Variants in SAP130 observed in about 807,000 individuals in gnomAD.
The protein encoded by SAP130 is histone deacetylase complex subunit SAP130.
SAP130 carries 16 observed loss-of-function variants against 103.2 expected under a neutral mutation model. That is an observed-to-expected ratio of 0.16 (90% CI 0.10 to 0.24). The LOEUF (loss-of-function observed/expected upper bound fraction) is 0.24, where lower values mean the gene tolerates loss of function less well. SAP130 is among the 10% of genes least tolerant of loss of function. SAP130 has a pLI of 1.00. For synonymous variants in SAP130, 477 were observed against 497.0 expected (o/e 0.96, Z 0.53); for missense variants, 990 against 1,359.7 (o/e 0.73, Z 4.28).
At chr2:128,005,374 T>C (rs1454647038) in intron 7 of SAP130, among the ~76,000 whole-genome samples, 1 of 152,102 alleles carries the variant, frequency 6.6e-6, no homozygotes, top group African/African-American at 2.4e-5. Flanking sequence ...CCCAACACTC[T>C]GGAAGGCTGA....
At chr2:127,995,575 T>C (rs902237648) in intron 11 of SAP130, among the ~76,000 whole-genome samples, 3 of 152,192 alleles carry the variant, frequency 2.0e-5, no homozygotes, top group African/African-American at 4.8e-5. Flanking sequence ...CTAATATATA[T>C]AGACAACACG....
At chr2:128,021,114 C>T (rs967616637) in intron 2 of SAP130, among the ~76,000 whole-genome samples, 1 of 152,066 alleles carries the variant, frequency 6.6e-6, no homozygotes, top group Non-Finnish European at 1.5e-5. Flanking sequence ...GTCCAATGAT[C>T]TCTTCAGGAA....
chr2:128,024,869 ACT>A (rs1468457214), intron 2 of SAP130, among the ~76,000 whole-genome samples: 1 of 151,866 alleles, frequency 6.6e-6, no homozygotes, highest in Non-Finnish European at 1.5e-5. Flanking sequence ...ACAGAGTGAC[ACT>A]CTGTCTCAAA....
At chr2:128,013,679 T>C (rs1317617437) in intron 5 of SAP130, among the ~76,000 whole-genome samples, 1 of 152,170 alleles carries the variant, frequency 6.6e-6, no homozygotes, top group Non-Finnish European at 1.5e-5. Context: ...TTGCCAACAA[T>C]CTCCAATTGT....
At chr2:128,004,242 C>T (rs955245120) in intron 7 of SAP130, among the ~76,000 whole-genome samples, 4 of 151,684 alleles carry the variant, frequency 2.6e-5, no homozygotes, top group Non-Finnish European at 5.9e-5. Context: ...ATACAGTATC[C>T]TCCTTTCGCA....
intron 2 of SAP130, among the ~76,000 whole-genome samples, chr2:128,021,352 C>T (rs963474302): frequency 6.6e-6 from 1 of 150,612 alleles, no homozygotes; most frequent in Non-Finnish European, 1.5e-5. Context: ...GAGGCCGAGG[C>T]AGCAGAATTG....
intron 19 of SAP130, among the ~76,000 whole-genome samples, chr2:127,943,223 T>C (rs974735345): frequency 1.3e-5 from 2 of 152,150 alleles, no homozygotes; most frequent in African/African-American, 4.8e-5. Context: ...CAACAGACAA[T>C]GTTCTTCAGG....
intron 15 of SAP130, among the ~76,000 whole-genome samples, chr2:127,974,542 G>A (rs1267610683): frequency 5.3e-5 from 8 of 152,136 alleles, no homozygotes; most frequent in East Asian, 3.9e-4. Flanking sequence ...GGCCGGGCGC[G>A]GTGGTGCACG....
rs762360561 is a variant in SAP130, at chr2:128,026,236, G to A, written c.57C>T (p.Ala19=). ...AACCACTGTTTGCAATCTGAGAAGGGGCCTGGCTCAGCCCGGTAGAAGGGG... is the reference window on the plus strand; with the variant it reads ...AACCACTGTTTGCAATCTGAGAAGGAGCCTGGCTCAGCCCGGTAGAAGGGG... ...LGAPSTGLSQ[A]PSQIANSGSA... is the part of the protein sequence containing the mutation. Residue 19 remains alanine (A), a synonymous_variant, in exon 2 of 21, where the codon GCC becomes GCT. Coordinates refer to ENST00000643581, the MANE Select transcript of SAP130 (RefSeq NM_001330301.2). 3 of 1,614,120 alleles carry A rather than the reference G, an allele frequency of 1.9e-6. No homozygotes were observed. In the South Asian group the frequency reaches 3.3e-5, roughly 18 times the overall value.
intron 10 of SAP130, among the ~76,000 whole-genome samples, chr2:127,998,519 G>C (rs1232494955): frequency 6.6e-6 from 1 of 152,174 alleles, no homozygotes; most frequent in Non-Finnish European, 1.5e-5. Flanking sequence ...GGTTATATCA[G>C]GTTTCCCTTC....
At chr2:127,999,613 AAAG>A in intron 10 of SAP130, 125 bp downstream of exon 10, 1 of 501,394 alleles carries the variant, frequency 2.0e-6, no homozygotes, top group Non-Finnish European at 3.4e-6. Context: ...AAGAAAAAGA[AAAG>A]AAAAAAAAAA....
At chr2:128,005,728 C>T (rs1348242629) in intron 7 of SAP130, among the ~76,000 whole-genome samples, 1 of 151,764 alleles carries the variant, frequency 6.6e-6, no homozygotes, top group Non-Finnish European at 1.5e-5. Flanking sequence ...CTCACTGCAA[C>T]CTCCGCCTCC....
chr2:127,986,103 C>T lies in SAP130; in HGVS notation c.1958+682G>A, dbSNP rs1255940050. Among the ~76,000 whole-genome samples, 1 of 152,260 alleles carries T rather than the reference C, an allele frequency of 6.6e-6. No individual in the cohort carries two copies. Among genetic ancestry groups the T allele is most frequent in the African/African-American group, 2.4e-5 (1 of 41,478 alleles). On this transcript the variant is annotated intron_variant, in intron 14 of 20. Coordinates refer to ENST00000643581, the MANE Select transcript of SAP130 (RefSeq NM_001330301.2). The surrounding 1 kb of genome is among the most constrained non-coding windows in gnomAD (Gnocchi z 4.7). Reference sequence around the variant, plus strand: ...CAAGCCCACGTGTGATCCCATTCTTCCAGTACACCAAGGCAAGAACCCTGG... The same window carrying T: ...CAAGCCCACGTGTGATCCCATTCTTTCAGTACACCAAGGCAAGAACCCTGG...
At chr2:128,014,936 G>A (rs376036065) in intron 4 of SAP130, 22 bp from the exon 5 acceptor site, 33 of 1,591,058 alleles carry the variant, frequency 2.1e-5, no homozygotes, top group East Asian at 4.5e-5. Context: ...AGGATAGAAC[G>A]TTATTTTTAC....
At chr2:127,962,889 T>C (rs1380156290) in intron 15 of SAP130, among the ~76,000 whole-genome samples, 8 of 134,240 alleles carry the variant, frequency 6.0e-5, no homozygotes, top group Non-Finnish European at 1.3e-4. Context: ...AATAATAAAA[T>C]TAAAAAAAAA....
chr2:128,005,705 G>A (rs1683919148), intron 7 of SAP130, among the ~76,000 whole-genome samples: 1 of 150,908 alleles, frequency 6.6e-6, no homozygotes, highest in African/African-American at 2.4e-5. Context: ...GGAGCGCAGT[G>A]GCGCGATCTT....
At chr2:128,027,599 C>A (rs1685616118) in intron 1 of SAP130, among the ~76,000 whole-genome samples, 1 of 151,076 alleles carries the variant, frequency 6.6e-6, no homozygotes, top group Non-Finnish European at 1.5e-5. Context: ...TAAACTGCTC[C>A]AGGAGCCAAA....
At chr2:127,957,686 A>G (rs1349045659) in intron 15 of SAP130, among the ~76,000 whole-genome samples, 1 of 152,084 alleles carries the variant, frequency 6.6e-6, no homozygotes, top group Non-Finnish European at 1.5e-5. Flanking sequence ...AAAAAAAAAA[A>G]AAGATAAGTT....
Position 127,942,343 on chromosome 2 carries a change from G to A in SAP130, c.3015+81C>T, listed in dbSNP as rs528687431. The stretch of plus-strand genomic sequence containing the variant: ...TTTTTACTGAAGATATGAGGGAGAC[G>A]GGGGGAAACGGGAGAAGTAGGGCTT... On this transcript the variant is annotated intron_variant, in intron 20 of 20. Transcript: ENST00000643581. The surrounding 1 kb of genome is among the most constrained non-coding windows in gnomAD (Gnocchi z 4.8). 86 of 1,124,558 alleles carry A rather than the reference G, an allele frequency of 7.6e-5. No individual in the cohort carries two copies. Among genetic ancestry groups the A allele is most frequent in the South Asian group, 2.2e-4 (17 of 77,570 alleles). The allele number at this position is 1,124,558 out of a possible 1,614,324, so 69.7% of individuals were successfully genotyped here.
Sources: allele counts gnomAD v4.1 joint callset (sites outside exome capture counted in the v4.1 genomes callset), GRCh38; gene constraint gnomAD v4.1.1; non-coding constraint Gnocchi (gnomAD v3.1); transcripts MANE v1.5; gene names NCBI Gene and HGNC (gene_info 2026-07-23, HGNC 2026-07-21).